The following NLGN1 variants were observed in gnomAD, a reference collection of about 807,000 sequenced individuals.
NLGN1 encodes neuroligin-1.
In NLGN1, 12 loss-of-function variants were observed where a neutral mutation model predicts 65.5. That is an observed-to-expected ratio of 0.18 (90% CI 0.12 to 0.30). The LOEUF (loss-of-function observed/expected upper bound fraction) is 0.30. Ranked by LOEUF, NLGN1 falls within the 10% of genes least tolerant of loss-of-function variation. The pLI, the probability that NLGN1 is intolerant of heterozygous loss-of-function variation, is 1.00. For synonymous variants in NLGN1, 350 were observed against 359.5 expected (o/e 0.97, Z 0.30); for missense variants, 750 against 1,007.1 (o/e 0.74, Z 3.46).
At chr3:173,982,531 A>G (rs1437025804) in intron 4 of NLGN1, among the ~76,000 whole-genome samples, 1 of 152,154 alleles carries the variant, frequency 6.6e-6, no homozygotes, top group Non-Finnish European at 1.5e-5. Context: ...TATATCACGG[A>G]CGTAATAAAT....
rs114327820 is a variant in NLGN1 at position 173,428,825 on chromosome 3, A to C, written c.-389-6185A>C. On this transcript the variant is annotated intron_variant, in intron 1 of 6. Transcript: ENST00000457714. ...TCCCTTTAGCATTTCTTATAAGCTCAGTCTGGTGGTGATGAATTTCCTTAG... is the reference window on the plus strand; with the variant it reads ...TCCCTTTAGCATTTCTTATAAGCTCCGTCTGGTGGTGATGAATTTCCTTAG... Among the ~76,000 whole-genome samples the C allele has an allele frequency of 9.2e-3, 1,402 of 151,888 alleles. 16 individuals carry two copies. Among genetic ancestry groups the C allele is most frequent in the African/African-American group, 0.032 (1,343 of 41,412 alleles).
intron 2 of NLGN1, among the ~76,000 whole-genome samples, chr3:173,544,051 A>G (rs1044064883): frequency 6.6e-6 from 1 of 152,218 alleles, no homozygotes; most frequent in Non-Finnish European, 1.5e-5. Context: ...AAAATTCTGA[A>G]GTATGGATAG....
intron 4 of NLGN1, among the ~76,000 whole-genome samples, chr3:173,924,630 A>T (rs904765964): frequency 6.6e-6 from 1 of 151,976 alleles, no homozygotes; most frequent in African/African-American, 2.4e-5. Flanking sequence ...CTCAAAAAAA[A>T]AAATAAAAAT....
intron 2 of NLGN1, among the ~76,000 whole-genome samples, chr3:173,561,872 A>G (rs1322825879): frequency 6.6e-6 from 1 of 152,224 alleles, no homozygotes. Context: ...ATTAACAGGT[A>G]TAGTACAAGG....
intron 3 of NLGN1, among the ~76,000 whole-genome samples, chr3:173,699,503 G>C (rs904343683): frequency 3.9e-5 from 6 of 152,160 alleles, no homozygotes; most frequent in Admixed American, 2.6e-4. Flanking sequence ...AGTAAAAACT[G>C]TTCTGCTTTG....
chr3:173,763,520 T>G (rs961664213), intron 3 of NLGN1, among the ~76,000 whole-genome samples: 4 of 152,080 alleles, frequency 2.6e-5, no homozygotes, highest in African/African-American at 9.7e-5. Flanking sequence ...CATTTATGAT[T>G]TTACTTTATT....
intron 3 of NLGN1, among the ~76,000 whole-genome samples, chr3:173,715,703 G>A (rs1016069019): frequency 6.6e-5 from 10 of 152,026 alleles, no homozygotes; most frequent in Admixed American, 3.3e-4. Context: ...TAAATAAATA[G>A]CATCAATTTT....
intron 3 of NLGN1, among the ~76,000 whole-genome samples, chr3:173,658,864 C>A (rs990385841): frequency 2.0e-5 from 3 of 151,998 alleles, no homozygotes; most frequent in Non-Finnish European, 2.9e-5. Context: ...TACAGCACTA[C>A]ATTTGTATGG....
chr3:173,680,071 A>G lies in NLGN1; in HGVS notation c.493+74980A>G, dbSNP rs76331982. 4.6e-5 allele frequency among the ~76,000 whole-genome samples: 7 copies of G among 152,270 alleles called. No homozygotes were observed. The East Asian group carries it at 1.3e-3, about 29-fold the overall frequency. On this transcript the variant is annotated intron_variant, in intron 3 of 6. Coordinates refer to ENST00000457714, the Ensembl canonical transcript of NLGN1. ...AAATGAATGGAGAAATATGTTCTGG[A>G]AAAGTGAATATGTTAAGGCTAAAGA...
At chr3:174,205,856 T>C (rs1002311023) in intron 4 of NLGN1, among the ~76,000 whole-genome samples, 13 of 152,234 alleles carry the variant, frequency 8.5e-5, no homozygotes, top group African/African-American at 2.9e-4. Flanking sequence ...CCAGAACTGC[T>C]AAGTTCAACC....
At chr3:174,114,214 G>A (rs2152626143) in intron 4 of NLGN1, among the ~76,000 whole-genome samples, 1 of 152,224 alleles carries the variant, frequency 6.6e-6, no homozygotes, top group South Asian at 2.1e-4. Flanking sequence ...TTTATGCCAT[G>A]TGATGCTGGC....
intron 4 of NLGN1, among the ~76,000 whole-genome samples, chr3:174,163,438 C>A (rs1726937259): frequency 6.6e-6 from 1 of 151,848 alleles, no homozygotes; most frequent in South Asian, 2.1e-4. Context: ...TTACTCTTTT[C>A]CAACTTTTAT....
intron 4 of NLGN1, among the ~76,000 whole-genome samples, chr3:174,207,403 T>C (rs550234591): frequency 6.6e-6 from 1 of 152,312 alleles, no homozygotes; most frequent in East Asian, 1.9e-4. Flanking sequence ...TCAATACATT[T>C]CTATCAAATC....
At chr3:174,211,092 G>T (rs1390163222) in intron 4 of NLGN1, among the ~76,000 whole-genome samples, 1 of 152,160 alleles carries the variant, frequency 6.6e-6, no homozygotes, top group Non-Finnish European at 1.5e-5. Context: ...CGCTCGCTCA[G>T]GAGTGAAGCT....
chr3:174,044,742 C>A (rs1488988702), intron 4 of NLGN1, among the ~76,000 whole-genome samples: 1 of 152,114 alleles, frequency 6.6e-6, no homozygotes, highest in African/African-American at 2.4e-5. Context: ...CCTTCCAAAT[C>A]TCATATTGAT....
At position 173,493,172 on chromosome 3, in the gene NLGN1, A is replaced by C. The variant is rs12497480; in HGVS notation, c.-321+58094A>C. Among the ~76,000 whole-genome samples, 1,012 of 151,954 alleles carry C rather than the reference A, an allele frequency of 6.7e-3. 7 individuals carry two copies. Among genetic ancestry groups the C allele is most frequent in the Middle Eastern group, 0.017 (5 of 294 alleles). On this transcript the variant is annotated intron_variant, in intron 2 of 6. Transcript: ENST00000457714. ...TCAACTTCATTTTACAAACGAAGAA[A>C]TTGAAGTTCAGCAACATTAAATATC...
chr3:173,648,190 CT>C (rs1474620457), intron 3 of NLGN1, among the ~76,000 whole-genome samples: 1 of 151,890 alleles, frequency 6.6e-6, no homozygotes, highest in African/African-American at 2.4e-5. Flanking sequence ...AATCAAATGA[CT>C]TCATTAAGAG....
intron 4 of NLGN1, among the ~76,000 whole-genome samples, chr3:173,862,597 A>G (rs1729366890): frequency 6.6e-6 from 1 of 151,718 alleles, no homozygotes; most frequent in Middle Eastern, 3.2e-3. Flanking sequence ...AATAGAGGGT[A>G]CGCATATATG....
intron 3 of NLGN1, among the ~76,000 whole-genome samples, chr3:173,692,237 T>A (rs1309978471): frequency 6.6e-6 from 1 of 152,104 alleles, no homozygotes; most frequent in East Asian, 1.9e-4. Flanking sequence ...TATTAATTAT[T>A]CTGCTGGTAG....
Sources: gnomAD v4.1 joint callset for allele counts (sites outside exome capture counted in the v4.1 genomes callset) on GRCh38, gnomAD v4.1.1 for gene constraint, MANE v1.5 for transcripts, NCBI Gene and HGNC (gene_info 2026-07-23, HGNC 2026-07-21) for gene names.